Variants in GATA6 observed in about 807,000 individuals in gnomAD.
GATA6 encodes the protein transcription factor GATA-6.
In GATA6, 11 loss-of-function variants were observed where a neutral mutation model predicts 48.1. That is an observed-to-expected ratio of 0.23 (90% CI 0.14 to 0.38). The LOEUF is 0.38. Among genes scored for constraint, GATA6 ranks in the 10% least tolerant of loss-of-function variants. GATA6 has a pLI of 1.00. For missense variants in GATA6, 795 were observed against 850.3 expected (o/e 0.93, Z 0.81); for synonymous variants, 419 against 396.1 (o/e 1.06, Z -0.69).
chr18:22,179,318 T>A (rs1276230237), intron 3 of GATA6, among the ~76,000 whole-genome samples: 1 of 152,240 alleles, frequency 6.6e-6, no homozygotes, highest in African/African-American at 2.4e-5. Context: ...AACCAATCAC[T>A]GTGAATTTGA....
chr18:22,177,260 G>A lies in GATA6; in HGVS notation c.1302+139G>A, dbSNP rs562473035. On this transcript the variant is annotated intron_variant, in intron 3 of 6. Transcript: ENST00000269216. Reference sequence around the variant, plus strand: ...CGGCCGCTGCGGTCCCACCCTAGCGGGGACCCAGCGGTACCATCCTGTCCC... The same window carrying A: ...CGGCCGCTGCGGTCCCACCCTAGCGAGGACCCAGCGGTACCATCCTGTCCC... 74 of 740,070 alleles carry A rather than the reference G, an allele frequency of 1.0e-4. 1 individual carries two copies. The Middle Eastern group carries it at 1.2e-3, about 12-fold the overall frequency. The allele number at this position is 740,070 out of a possible 1,614,324, so 45.8% of individuals were successfully genotyped here. A position where few individuals can be genotyped will look rare whatever the true frequency, so the allele number is the denominator to read the frequency against.
At position 22,171,415 on chromosome 18, in the gene GATA6, C is replaced by T. The variant is rs766886560; in HGVS notation, c.271C>T (p.Pro91Ser). The change falls in exon 2 of 7, where the codon CCC (proline) becomes TCC (serine). Residue 91 changes from proline (P) to serine (S), a missense_variant. Physicochemically the swap from Pro to Ser is moderately conservative, Grantham distance 74 (BLOSUM62 -1). Transcript: ENST00000269216. This position sits in a 1 kb window ranked among gnomAD's most constrained non-coding sequence, Gnocchi z 7.1. ...CTACGCTTCGCATCCCTTCGGGGCT[C>T]CCCACGGACCTTCGGCGCCTGGGGT... is the stretch of plus-strand genomic sequence containing the variant. ...SSYASHPFGA[P>S]HGPSAPGVAG... The T allele has an allele frequency of 2.5e-4, 391 of 1,589,650 alleles. 1 individual carries two copies. The highest frequency in any genetic ancestry group is 3.3e-4 in the Middle Eastern group (2 of 6,032).
rs2033460307 is a variant in GATA6, at chr18:22,201,316, T to C, written c.*493T>C. 5.9e-6 allele frequency: 1 copy of C among 169,374 alleles called. No homozygotes were observed. Among genetic ancestry groups the C allele is most frequent in the African/African-American group, 2.4e-5 (1 of 41,880 alleles). 10.5% of individuals were successfully genotyped at this position (169,374 alleles called of 1,614,324 possible). On this transcript the variant is annotated 3_prime_UTR_variant, in exon 7 of 7. Coordinates refer to ENST00000269216, the MANE Select transcript of GATA6 (RefSeq NM_005257.6). ...GGTTCATGAGGTCTCTTATCAAAAA[T>C]ATTACTCAGTTTGCAAGACTGCATT...
At chr18:22,183,364 A>G (rs142671616) in intron 6 of GATA6, among the ~76,000 whole-genome samples, 1 of 152,156 alleles carries the variant, frequency 6.6e-6, no homozygotes, top group Non-Finnish European at 1.5e-5. Flanking sequence ...TATATATTAT[A>G]TGTGTATATT....
At chr18:22,179,712 G>A (rs992918072) in intron 3 of GATA6, among the ~76,000 whole-genome samples, 6 of 152,172 alleles carry the variant, frequency 3.9e-5, no homozygotes, top group East Asian at 1.9e-4. Context: ...GATGTGTAAA[G>A]TTTTGTTAAT....
chr18:22,196,666 A>G (rs150999816), intron 6 of GATA6, among the ~76,000 whole-genome samples: 3 of 152,070 alleles, frequency 2.0e-5, no homozygotes, highest in East Asian at 1.9e-4. Flanking sequence ...TCTTCAGCCC[A>G]GGAGGTGGAG....
intron 6 of GATA6, among the ~76,000 whole-genome samples, chr18:22,195,835 C>A (rs543609351): frequency 6.6e-6 from 1 of 152,198 alleles, no homozygotes; most frequent in Non-Finnish European, 1.5e-5. Context: ...TTTTCTAAAC[C>A]GTTCCCATAT....
intron 6 of GATA6, among the ~76,000 whole-genome samples, chr18:22,196,170 C>T (rs952810242): frequency 1.3e-5 from 2 of 152,140 alleles, no homozygotes; most frequent in Non-Finnish European, 2.9e-5. Flanking sequence ...ATAAGGCTAC[C>T]AAGCATTGGG....
chr18:22,183,014 T>C lies in GATA6; in HGVS notation c.1591T>C (p.Ser531Pro). 1 of 1,613,786 alleles carries C rather than the reference T, an allele frequency of 6.2e-7. No individual in the cohort carries two copies. The highest frequency in any genetic ancestry group is 8.5e-7 in the Non-Finnish European group (1 of 1,179,796). The change falls in exon 6 of 7, where the codon TCC (serine) becomes CCC (proline). Residue 531 changes from serine (S) to proline (P), a missense_variant. Physicochemically the swap from Ser to Pro is moderately conservative, Grantham distance 74. Transcript: ENST00000269216. Reference sequence around the variant, plus strand: ...CTCAGATGATTGCAGCAAAAATACTTCCCCCACAACACAACCTACAGCCTC... The same window carrying C: ...CTCAGATGATTGCAGCAAAAATACTCCCCCCACAACACAACCTACAGCCTC... ...SNSDDCSKNT[S>P]PTTQPTASGA... is the part of the protein sequence containing the mutation.
At chr18:22,180,765 A>G (rs565904527) in intron 3 of GATA6, among the ~76,000 whole-genome samples, 1 of 152,164 alleles carries the variant, frequency 6.6e-6, no homozygotes, top group African/African-American at 2.4e-5. Context: ...CGTACTTTCA[A>G]AGTTTCTGGT....
chr18:22,200,681 C>T lies in GATA6; in HGVS notation c.1646C>T (p.Ala549Val), dbSNP rs753379725. The T allele has an allele frequency of 3.7e-6, 6 of 1,614,210 alleles. No homozygotes were observed. In the South Asian group the frequency reaches 5.5e-5, roughly 15 times the overall value. Residue 549 changes from alanine (A) to valine (V), a missense_variant, in exon 7 of 7, where the codon GCG becomes GTG. Transcript: ENST00000269216. ...SGAGAPVMTG[A>V]GESTNPENSE... is the part of the protein sequence containing the mutation. ...GCGGGTGCCCCGGTGATGACTGGTG[C>T]GGGAGAGAGCACCAATCCCGAGAAC...
chr18:22,174,988 CAG>C (rs1267332757), intron 2 of GATA6, among the ~76,000 whole-genome samples: 1 of 152,072 alleles, frequency 6.6e-6, no homozygotes, highest in African/African-American at 2.4e-5. Context: ...GTACCACACA[CAG>C]AAAGACAGGT....
intron 4 of GATA6, among the ~76,000 whole-genome samples, chr18:22,182,296 G>A (rs912308928): frequency 1.2e-4 from 18 of 151,556 alleles, no homozygotes; most frequent in African/African-American, 4.1e-4. Flanking sequence ...TAGTCTTTGT[G>A]CACTTGGGAT....
At chr18:22,183,471 A>G (rs1432256806) in intron 6 of GATA6, among the ~76,000 whole-genome samples, 3 of 151,840 alleles carry the variant, frequency 2.0e-5, no homozygotes, top group South Asian at 2.1e-4. Flanking sequence ...TATCCTATCA[A>G]TTCCAGCCTT....
rs941907836 is a variant in GATA6 at position 22,172,312 on chromosome 18, T to G, written c.1135+33T>G. On this transcript the variant is annotated intron_variant, in intron 2 of 6. Transcript: ENST00000269216. The surrounding 1 kb of genome is among the most constrained non-coding windows in gnomAD (Gnocchi z 5.2). ...TCGCGCCTCAGGTTCGGGGTGCGGG[T>G]CCAAAGCGCTGGGGCGCACGGGGGA... The G allele has an allele frequency of 2.6e-6, 4 of 1,525,922 alleles. No individual in the cohort carries two copies. The highest frequency in any genetic ancestry group is 3.5e-6 in the Non-Finnish European group (4 of 1,141,540). 94.5% of individuals were successfully genotyped at this position (1,525,922 alleles called of 1,614,324 possible). A position where few individuals can be genotyped will look rare whatever the true frequency, so the allele number is the denominator to read the frequency against.
rs1419463104 is a variant in GATA6, at chr18:22,172,380, C to T, written c.1135+101C>T. On this transcript the variant is annotated intron_variant, in intron 2 of 6. Coordinates refer to ENST00000269216, the MANE Select transcript of GATA6 (RefSeq NM_005257.6). The surrounding 1 kb of genome is among the most constrained non-coding windows in gnomAD (Gnocchi z 5.2). Reference sequence around the variant, plus strand: ...ACTCGGGCCCTGTTTTCAGGACTTTCTCGTCCGGGTGCGCGGAGGTCGGCC... The same window carrying T: ...ACTCGGGCCCTGTTTTCAGGACTTTTTCGTCCGGGTGCGCGGAGGTCGGCC... 1 of 1,465,622 alleles carries T rather than the reference C, an allele frequency of 6.8e-7. No homozygotes were observed. Among genetic ancestry groups the T allele is most frequent in the Non-Finnish European group, 9.0e-7 (1 of 1,108,518 alleles). The allele number at this position is 1,465,622 out of a possible 1,614,324, so 90.8% of individuals were successfully genotyped here.
intron 6 of GATA6, among the ~76,000 whole-genome samples, chr18:22,183,971 GTT>G (rs2033230365): frequency 6.6e-6 from 1 of 152,160 alleles, no homozygotes; most frequent in Non-Finnish European, 1.5e-5. Context: ...TCTACATTTA[GTT>G]TTCTCCTGAA....
chr18:22,180,687 T>C (rs544326775), intron 3 of GATA6, among the ~76,000 whole-genome samples: 2 of 150,504 alleles, frequency 1.3e-5, no homozygotes, highest in Non-Finnish European at 1.5e-5. Flanking sequence ...CTTTTTTTTT[T>C]TTAAAAAAAA....
chr18:22,171,783 C>T lies in GATA6; in HGVS notation c.639C>T (p.Ala213=). The change falls in exon 2 of 7, where the codon GCC becomes GCT. Residue 213 remains alanine, a synonymous_variant. Coordinates refer to ENST00000269216, the MANE Select transcript of GATA6 (RefSeq NM_005257.6). This position sits in a 1 kb window ranked among gnomAD's most constrained non-coding sequence, Gnocchi z 7.1. ...TGCAGGGGTCGGGCAGTGGGCCAGC[C>T]AACCACGCGGGCGGCGCGGGCGCGC... The part of the protein sequence containing the change: ...YHLQGSGSGP[A]NHAGGAGAHP... 7.5e-7 allele frequency: 1 copy of T among 1,330,600 alleles called. No homozygotes were observed. Among genetic ancestry groups the T allele is most frequent in the Middle Eastern group, 2.8e-4 (1 of 3,578 alleles). 82.4% of individuals were successfully genotyped at this position (1,330,600 alleles called of 1,614,324 possible).
Sources: gnomAD v4.1 joint callset for allele counts (sites outside exome capture counted in the v4.1 genomes callset) on GRCh38, gnomAD v4.1.1 for gene constraint, Gnocchi (gnomAD v3.1) non-coding constraint, MANE v1.5 for transcripts, NCBI Gene and HGNC (gene_info 2026-07-23, HGNC 2026-07-21) for gene names.